The following BRF1 variants were observed in gnomAD, a reference collection of about 807,000 sequenced individuals.
BRF1 encodes BRF1 general transcription factor IIIB subunit.
In BRF1, 59 loss-of-function variants were observed where a neutral mutation model predicts 81.7. The ratio of observed to expected loss-of-function variants is 0.72; its 90% CI spans 0.59 to 0.90. The LOEUF is 0.90. Ranked by LOEUF, BRF1 falls within the 40% of genes least tolerant of loss-of-function variation. The pLI is 0.00. For missense variants in BRF1, 1,050 were observed against 936.3 expected (o/e 1.12, Z -1.58); for synonymous variants, 491 against 395.6 (o/e 1.24, Z -2.86).
chr14:105,248,993 GC>G, intron 5 of BRF1: 1 of 997,284 alleles, frequency 1.0e-6, no homozygotes, highest in Non-Finnish European at 1.2e-6. Context: ...CCGCGCCAGC[GC>G]CGCCGCCGCC....
At chr14:105,248,580 G>GCGT in intron 5 of BRF1, 2 of 878,270 alleles carry the variant, frequency 2.3e-6, no homozygotes, top group South Asian at 5.4e-5. Flanking sequence ...CGGGCGGGCG[G>GCGT]GCGGGCGGGA....
rs747215596 is a variant in BRF1, at chr14:105,221,640, G to T, written c.1315+8C>A. 1 of 1,607,704 alleles carries T rather than the reference G, an allele frequency of 6.2e-7. No individual in the cohort carries two copies. The highest frequency in any genetic ancestry group is 1.1e-5 in the South Asian group (1 of 90,596). On this transcript the variant is annotated splice_region_variant and intron_variant, in intron 11 of 17. Transcript: ENST00000547530. ...CTCAGCGTCCCCCAGGGCCCCATCA[G>T]AACTCACTGGGGTCGCTGCTCTGAG...
chr14:105,250,047 G>T, intron 5 of BRF1: 1 of 1,612,964 alleles, frequency 6.2e-7, no homozygotes, highest in Non-Finnish European at 8.5e-7. Flanking sequence ...GTTCTGGGGC[G>T]AGCCCTCTAT....
intron 1 of BRF1, among the ~76,000 whole-genome samples, chr14:105,293,901 T>C (rs765970410): frequency 3.3e-5 from 5 of 152,150 alleles, no homozygotes; most frequent in Admixed American, 6.5e-5. Flanking sequence ...TCTCAATTAA[T>C]AGGCAAAACA....
intron 4 of BRF1, among the ~76,000 whole-genome samples, chr14:105,253,763 G>A (rs900059949): frequency 6.6e-6 from 1 of 152,178 alleles, no homozygotes; most frequent in Non-Finnish European, 1.5e-5. Flanking sequence ...CATTATATCC[G>A]AGGGCTCCAT....
At chr14:105,268,049 C>T (rs1344752712) in intron 3 of BRF1, among the ~76,000 whole-genome samples, 3 of 152,206 alleles carry the variant, frequency 2.0e-5, no homozygotes, top group African/African-American at 7.2e-5. Context: ...GTGATGGCAC[C>T]ATCCACAGTG....
chr14:105,301,589 C>G (rs2058031043), upstream of BRF1, among the ~76,000 whole-genome samples: 1 of 152,214 alleles, frequency 6.6e-6, no homozygotes, highest in Non-Finnish European at 1.5e-5. Flanking sequence ...GCCCCGCCCT[C>G]CGCATTTGCG....
chr14:105,289,180 C>T (rs2057425377), intron 1 of BRF1, among the ~76,000 whole-genome samples: 1 of 151,464 alleles, frequency 6.6e-6, no homozygotes, highest in Admixed American at 6.6e-5. Flanking sequence ...GATCCCATCT[C>T]TACAAAAAAA....
At chr14:105,267,713 C>T (rs587733234) in intron 3 of BRF1, among the ~76,000 whole-genome samples, 2 of 152,304 alleles carry the variant, frequency 1.3e-5, no homozygotes, top group East Asian at 1.9e-4. Context: ...GTTATAAATG[C>T]CCTGTCCTTG....
intron 3 of BRF1, among the ~76,000 whole-genome samples, chr14:105,272,396 G>C (rs1486011080): frequency 6.6e-6 from 1 of 152,226 alleles, no homozygotes; most frequent in Admixed American, 6.5e-5. Flanking sequence ...AACCACAGGG[G>C]ACGTGGAGAC....
At chr14:105,215,099 T>C (rs867574101) in intron 15 of BRF1, among the ~76,000 whole-genome samples, 1 of 152,032 alleles carries the variant, frequency 6.6e-6, no homozygotes, top group Non-Finnish European at 1.5e-5. Context: ...CATGGCCATG[T>C]TGGGGGGAAG....
intron 10 of BRF1, chr14:105,222,212 C>A: frequency 5.8e-6 from 2 of 347,184 alleles, no homozygotes; most frequent in Non-Finnish European, 5.2e-6. Flanking sequence ...GTTCTAAAAG[C>A]AGAATCCATA....
intron 5 of BRF1, chr14:105,248,666 A>G (rs2055333435): frequency 2.0e-6 from 2 of 980,458 alleles, no homozygotes; most frequent in Admixed American, 6.3e-5. Flanking sequence ...CGGGGGTGGC[A>G]GGGGAGCGGG....
intron 3 of BRF1, among the ~76,000 whole-genome samples, 184 bp downstream of exon 3, chr14:105,272,537 G>A (rs781379808): frequency 1.1e-4 from 17 of 152,218 alleles, no homozygotes; most frequent in Non-Finnish European, 1.9e-4. Flanking sequence ...CCAGTTCTTC[G>A]ATCCAGTAAA....
Position 105,221,754 on chromosome 14 carries a change from G to A in BRF1, c.1209C>T (p.Gly403=). 1.2e-6 allele frequency: 2 copies of A among 1,611,000 alleles called. No homozygotes were observed. Among genetic ancestry groups the A allele is most frequent in the South Asian group, 1.1e-5 (1 of 90,940 alleles). The change falls in exon 11 of 18, where the codon GGC becomes GGT. Residue 403 remains glycine (G), a synonymous_variant. Transcript: ENST00000547530. ...GCAGGGACCCCAGGGCCGGAGGTCT[G>A]CCGCCCCACTCGGGGCTTCCTGCTG... is the stretch of plus-strand genomic sequence containing the variant. ...SEAAGSPEWG[G]RPPALGSLLD...
chr14:105,218,642 G>C (rs951026559), intron 14 of BRF1, among the ~76,000 whole-genome samples: 4 of 152,226 alleles, frequency 2.6e-5, no homozygotes, highest in African/African-American at 9.7e-5. Context: ...AGGCAGGGAG[G>C]CATGACAGTC....
At chr14:105,212,724 T>G in intron 15 of BRF1, 1 of 153,742 alleles carries the variant, frequency 6.5e-6, no homozygotes, top group Admixed American at 6.4e-5. Context: ...ACCCACAACC[T>G]CCAGCACGGA....
At chr14:105,241,177 C>T (rs1035124833) in intron 6 of BRF1, 88 bp downstream of exon 6, 17 of 1,550,956 alleles carry the variant, frequency 1.1e-5, no homozygotes, top group African/African-American at 8.1e-5. Context: ...TGCAAACATA[C>T]GGCCCAGCCC....
intron 15 of BRF1, among the ~76,000 whole-genome samples, chr14:105,215,744 C>T (rs1454776848): frequency 6.8e-6 from 1 of 146,788 alleles, no homozygotes; most frequent in Non-Finnish European, 1.5e-5. Flanking sequence ...ACACTGCATA[C>T]ACAGACACAG....
Sources: allele counts gnomAD v4.1 joint callset (sites outside exome capture counted in the v4.1 genomes callset), GRCh38; gene constraint gnomAD v4.1.1; transcripts MANE v1.5; gene names NCBI Gene and HGNC (gene_info 2026-07-23, HGNC 2026-07-21).